The following BBS9 variants were observed in gnomAD, a reference collection of about 807,000 sequenced individuals.
BBS9 encodes the protein Bardet-Biedl syndrome 9.
Under a neutral mutation model 117.7 loss-of-function variants are expected in BBS9, and 89 were observed. The observed-to-expected ratio is 0.76, with a 90% CI of 0.64 to 0.90. The LOEUF is 0.90. Among genes scored for constraint, BBS9 ranks in the 40% least tolerant of loss-of-function variants. BBS9 has a pLI of 0.00. For synonymous variants in BBS9, 379 were observed against 370.9 expected (o/e 1.02, Z -0.25); for missense variants, 982 against 1,042.2 (o/e 0.94, Z 0.80).
chr7:33,585,137 A>G (rs1860672706), intron 21 of BBS9, among the ~76,000 whole-genome samples: 1 of 152,080 alleles, frequency 6.6e-6, no homozygotes, highest in African/African-American at 2.4e-5. Context: ...AGAAGTATCC[A>G]CCAATGCTGA....
chr7:33,488,641 T>C (rs998798930), intron 19 of BBS9, among the ~76,000 whole-genome samples: 1 of 152,192 alleles, frequency 6.6e-6, no homozygotes, highest in African/African-American at 2.4e-5. Context: ...GATGAGTATA[T>C]TGAATATTTA....
intron 21 of BBS9, among the ~76,000 whole-genome samples, chr7:33,537,308 A>G (rs368290789): frequency 6.6e-6 from 1 of 152,208 alleles, no homozygotes; most frequent in Non-Finnish European, 1.5e-5. Flanking sequence ...GGCCATGGTG[A>G]CAACATCCTC....
At chr7:33,607,962 T>C (rs1864671714), downstream of BBS9, among the ~76,000 whole-genome samples, 1 of 151,854 alleles carries the variant, frequency 6.6e-6, no homozygotes, top group Non-Finnish European at 1.5e-5. Context: ...GTATACTGGG[T>C]GATGCTGAGG....
At chr7:33,541,294 T>G (rs932904227) in intron 21 of BBS9, among the ~76,000 whole-genome samples, 19 of 152,160 alleles carry the variant, frequency 1.2e-4, no homozygotes, top group African/African-American at 4.3e-4. Context: ...ACTCTCTGTT[T>G]CTCTTACTCT....
intron 21 of BBS9, among the ~76,000 whole-genome samples, chr7:33,622,530 A>G (rs1865460511): frequency 6.6e-6 from 1 of 152,248 alleles, no homozygotes; most frequent in Non-Finnish European, 1.5e-5. Flanking sequence ...TACACATTCA[A>G]TATCAAAGCA....
At chr7:33,278,617 A>G (rs1319824371) in intron 9 of BBS9, among the ~76,000 whole-genome samples, 2 of 152,126 alleles carry the variant, frequency 1.3e-5, no homozygotes, top group African/African-American at 4.8e-5. Context: ...GATGAAGGCA[A>G]ACAGATTTTT....
intron 21 of BBS9, among the ~76,000 whole-genome samples, chr7:33,547,228 G>A (rs982408793): frequency 1.3e-5 from 2 of 152,116 alleles, no homozygotes; most frequent in East Asian, 1.9e-4. Context: ...ATAGCAGAAG[G>A]TCAGGAAGGA....
At chr7:33,494,628 G>A (rs1267803718) in intron 19 of BBS9, among the ~76,000 whole-genome samples, 1 of 152,204 alleles carries the variant, frequency 6.6e-6, no homozygotes, top group Non-Finnish European at 1.5e-5. Flanking sequence ...CCTTACCCAA[G>A]TAGTGGTCCT....
rs141064591 is a variant in BBS9 at position 33,176,223 on chromosome 7, G to C, written c.329-1255G>C. Among the ~76,000 whole-genome samples the C allele has an allele frequency of 5.9e-3, 890 of 152,046 alleles. 3 individuals carry two copies. Among genetic ancestry groups the C allele is most frequent in the Non-Finnish European group, 0.011 (719 of 67,986 alleles). On this transcript the variant is annotated intron_variant, in intron 4 of 22. Transcript: ENST00000242067. ...AGTCCTGTTTGAGGTGTCATATTCT[G>C]GTACCCTGCAGTGGAAAAGACATAT... is the stretch of plus-strand genomic sequence containing the variant.
At chr7:33,500,807 C>G (rs1845342793) in intron 19 of BBS9, among the ~76,000 whole-genome samples, 1 of 152,156 alleles carries the variant, frequency 6.6e-6, no homozygotes, top group Non-Finnish European at 1.5e-5. Flanking sequence ...ATCTTGGCAG[C>G]TGGAAGTATT....
intron 16 of BBS9, among the ~76,000 whole-genome samples, chr7:33,360,451 A>G (rs1820410910): frequency 6.6e-6 from 1 of 151,762 alleles, no homozygotes; most frequent in South Asian, 2.1e-4. Context: ...TATAGAAAAC[A>G]TTTATTTACA....
intron 2 of BBS9, among the ~76,000 whole-genome samples, chr7:33,149,954 A>G (rs1793037361): frequency 1.3e-5 from 2 of 152,228 alleles, no homozygotes; most frequent in South Asian, 4.1e-4. Flanking sequence ...GATTTAGGGC[A>G]TGACAGGATA....
At chr7:33,319,437 T>C (rs997730788) in intron 9 of BBS9, among the ~76,000 whole-genome samples, 3 of 152,208 alleles carry the variant, frequency 2.0e-5, no homozygotes, top group Non-Finnish European at 4.4e-5. Context: ...GATCAAATGG[T>C]AGTTCTACTT....
intron 19 of BBS9, among the ~76,000 whole-genome samples, chr7:33,408,312 G>C (rs1261219101): frequency 2.0e-5 from 3 of 152,196 alleles, no homozygotes; most frequent in Non-Finnish European, 4.4e-5. Flanking sequence ...TAGGGTGGGA[G>C]TGGCCTGATT....
intron 21 of BBS9, among the ~76,000 whole-genome samples, chr7:33,569,477 C>T (rs556562362): frequency 1.7e-4 from 25 of 151,298 alleles, no homozygotes; most frequent in South Asian, 4.2e-4. Flanking sequence ...AAAAATAGGC[C>T]GGGCGCAGTG....
chr7:33,457,663 A>G (rs1838843849), intron 19 of BBS9, among the ~76,000 whole-genome samples: 1 of 152,126 alleles, frequency 6.6e-6, no homozygotes, highest in Non-Finnish European at 1.5e-5. Context: ...AGTCTTTTGA[A>G]TTTTCCTTAG....
intron 5 of BBS9, among the ~76,000 whole-genome samples, chr7:33,248,357 ATTATCT>A (rs1400447613): frequency 6.6e-6 from 1 of 152,198 alleles, no homozygotes; most frequent in Non-Finnish European, 1.5e-5. Flanking sequence ...TTAGGCACTA[ATTATCT>A]TTAGAATGTT....
At chr7:33,538,295 T>C (rs1034938235) in intron 21 of BBS9, among the ~76,000 whole-genome samples, 1 of 152,202 alleles carries the variant, frequency 6.6e-6, no homozygotes, top group Non-Finnish European at 1.5e-5. Flanking sequence ...TTCATAGATA[T>C]GGATTGAAAA....
rs545524288 is a variant in BBS9 at position 33,527,028 on chromosome 7, C to T, written c.2299-6926C>T. 4.6e-5 allele frequency among the ~76,000 whole-genome samples: 7 copies of T among 151,476 alleles called. No homozygotes were observed. The South Asian group carries it at 1.5e-3, about 33-fold the overall frequency. Reference sequence around the variant, plus strand: ...TGCCGTGTGAGGTGTCAGTGTGCCCCTGTTGGGGGGTGCCTCCCAGTTAGG... The same window carrying T: ...TGCCGTGTGAGGTGTCAGTGTGCCCTTGTTGGGGGGTGCCTCCCAGTTAGG... On this transcript the variant is annotated intron_variant, in intron 20 of 22. Coordinates refer to ENST00000242067, the MANE Select transcript of BBS9 (RefSeq NM_198428.3).
Sources: allele counts gnomAD v4.1 joint callset (sites outside exome capture counted in the v4.1 genomes callset), GRCh38; gene constraint gnomAD v4.1.1; transcripts MANE v1.5; gene names NCBI Gene and HGNC (gene_info 2026-07-23, HGNC 2026-07-21).